Variants in MECOM observed in about 807,000 individuals in gnomAD.
MECOM encodes the protein MDS1 and EVI1 complex locus.
Under a neutral mutation model 116.3 loss-of-function variants are expected in MECOM, and 13 were observed. The observed-to-expected ratio is 0.11, with a 90% CI of 0.07 to 0.18. The LOEUF (loss-of-function observed/expected upper bound fraction) is 0.18. Among genes scored for constraint, MECOM ranks in the 10% least tolerant of loss-of-function variants. The probability of loss-of-function intolerance (pLI) is 1.00; values close to 1 mark genes in which losing one functional copy is unlikely to be tolerated. For missense variants in MECOM, 1,299 were observed against 1,509.0 expected (o/e 0.86, Z 2.31); for synonymous variants, 528 against 535.2 (o/e 0.99, Z 0.19).
At chr3:169,507,650 CTTTTT>C (rs1165167849) in intron 1 of MECOM, among the ~76,000 whole-genome samples, 35 of 57,138 alleles carry the variant, frequency 6.1e-4, no homozygotes, top group African/African-American at 2.5e-3. Flanking sequence ...TCCCCACTTG[CTTTTT>C]TTTTTTTTTT....
chr3:169,644,041 C>T (rs1316013060), intron 1 of MECOM, among the ~76,000 whole-genome samples: 1 of 152,106 alleles, frequency 6.6e-6, no homozygotes, highest in Non-Finnish European at 1.5e-5. Flanking sequence ...TATTTCAAGC[C>T]TCAACTGTAG....
chr3:169,589,165 G>A (rs564899791), intron 1 of MECOM, among the ~76,000 whole-genome samples: 1 of 151,880 alleles, frequency 6.6e-6, no homozygotes, highest in East Asian at 1.9e-4. Flanking sequence ...AACTCTCCAA[G>A]TCTTAGGGAA....
intron 2 of MECOM, among the ~76,000 whole-genome samples, chr3:169,351,009 A>T (rs1432255215): frequency 6.6e-6 from 1 of 151,874 alleles, no homozygotes; most frequent in East Asian, 1.9e-4. Context: ...TAACCTAAAG[A>T]GCTTAAAAAT....
intron 2 of MECOM, among the ~76,000 whole-genome samples, chr3:169,172,955 T>A (rs1470887604): frequency 6.6e-6 from 1 of 152,186 alleles, no homozygotes; most frequent in Non-Finnish European, 1.5e-5. Context: ...ACATACTATA[T>A]AACTACCAGT....
At chr3:169,437,752 T>A (rs1264406202) in intron 1 of MECOM, among the ~76,000 whole-genome samples, 1 of 151,992 alleles carries the variant, frequency 6.6e-6, no homozygotes, top group Non-Finnish European at 1.5e-5. Context: ...CTAAAGGGGG[T>A]CTCAGAGTAG....
chr3:169,223,635 G>A (rs1560013453), intron 2 of MECOM, among the ~76,000 whole-genome samples: 1 of 152,076 alleles, frequency 6.6e-6, no homozygotes, highest in Non-Finnish European at 1.5e-5. Flanking sequence ...GGGAAATAAT[G>A]TGACAAATGG....
At chr3:169,471,023 C>T (rs1749139350) in intron 1 of MECOM, among the ~76,000 whole-genome samples, 1 of 152,080 alleles carries the variant, frequency 6.6e-6, no homozygotes, top group Admixed American at 6.5e-5. Context: ...GTGACCTTGC[C>T]TCACTGCAGC....
rs570225536 is a variant in MECOM at position 169,464,709 on chromosome 3, C to A, written c.38-83185G>T. On this transcript the variant is annotated intron_variant, in intron 1 of 16. Transcript: ENST00000651503. ...TTTAAACGGTATTTTTCTTCTATAT[C>A]AATTTATAATACAGTATAACTTCCC... Among the ~76,000 whole-genome samples the A allele has an allele frequency of 2.7e-4, 41 of 152,126 alleles. 3 individuals carry two copies. The highest frequency in any genetic ancestry group is 9.2e-4 in the African/African-American group (38 of 41,520).
chr3:169,107,902 C>A (rs775444284), intron 10 of MECOM, 24 bp downstream of exon 10: 9 of 1,606,528 alleles, frequency 5.6e-6, no homozygotes, highest in South Asian at 4.5e-5. Flanking sequence ...TCACTTTAGT[C>A]AAAAATATAA....
intron 1 of MECOM, chr3:169,613,371 C>T (rs73174384): frequency 0.059 from 8,931 of 152,224 alleles, 342 homozygotes; most frequent in Non-Finnish European, 0.069. Flanking sequence ...AAATGCATCT[C>T]CCCTGACCCA....
At chr3:169,369,923 A>T in intron 2 of MECOM, among the ~76,000 whole-genome samples, 1 of 152,014 alleles carries the variant, frequency 6.6e-6, no homozygotes, top group East Asian at 1.9e-4. Flanking sequence ...CACATCAAAG[A>T]CAATCTTTTG....
At chr3:169,121,521 G>T (rs575608688) in intron 6 of MECOM, among the ~76,000 whole-genome samples, 109 of 152,170 alleles carry the variant, frequency 7.2e-4, no homozygotes, top group Non-Finnish European at 1.3e-3. Context: ...ATAATAAAAT[G>T]CTGGTTAAGC....
chr3:169,246,584 G>A (rs1420096456), intron 2 of MECOM, among the ~76,000 whole-genome samples: 6 of 147,304 alleles, frequency 4.1e-5, no homozygotes, highest in Non-Finnish European at 5.9e-5. Flanking sequence ...GCTGGAGTGC[G>A]GTGGCACGAT....
intron 2 of MECOM, among the ~76,000 whole-genome samples, chr3:169,323,000 A>T (rs1234501940): frequency 5.9e-5 from 4 of 67,512 alleles, no homozygotes; most frequent in East Asian, 5.0e-4. Context: ...ACTCCGGTAA[A>T]AAAAAAAAAA....
At chr3:169,555,352 A>G (rs184570431) in intron 1 of MECOM, among the ~76,000 whole-genome samples, 1 of 152,240 alleles carries the variant, frequency 6.6e-6, no homozygotes, top group East Asian at 1.9e-4. Flanking sequence ...ACATAGAAAA[A>G]TGTGATAATT....
At chr3:169,107,531 G>C (rs541162253) in intron 10 of MECOM, among the ~76,000 whole-genome samples, 8 of 152,240 alleles carry the variant, frequency 5.3e-5, no homozygotes, top group African/African-American at 1.9e-4. Context: ...AGGAGTTCAG[G>C]TTTTATCCTT....
At chr3:169,602,657 T>G (rs1359124824) in intron 1 of MECOM, among the ~76,000 whole-genome samples, 1 of 152,172 alleles carries the variant, frequency 6.6e-6, no homozygotes, top group Non-Finnish European at 1.5e-5. Flanking sequence ...AAAAATCATC[T>G]CTGGTTGAGG....
intron 1 of MECOM, among the ~76,000 whole-genome samples, chr3:169,442,756 A>G (rs558713293): frequency 6.6e-6 from 1 of 152,316 alleles, no homozygotes; most frequent in East Asian, 1.9e-4. Flanking sequence ...CTTTTCTACT[A>G]CTGGACTCAA....
chr3:169,113,022 T>A (rs752069663), intron 8 of MECOM, 148 bp from the exon 9 acceptor site: 56 of 568,150 alleles, frequency 9.9e-5, no homozygotes, highest in Non-Finnish European at 1.5e-4. Context: ...TCTGTCCAGT[T>A]CTTGGAGATT....
Sources: gnomAD v4.1 joint callset for allele counts (sites outside exome capture counted in the v4.1 genomes callset) on GRCh38, gnomAD v4.1.1 for gene constraint, MANE v1.5 for transcripts, NCBI Gene and HGNC (gene_info 2026-07-23, HGNC 2026-07-21) for gene names.